Variants in SYT9 observed in about 807,000 individuals in gnomAD.
SYT9 encodes the protein synaptotagmin-9.
In SYT9, 22 loss-of-function variants were observed where a neutral mutation model predicts 48.4. That is an observed-to-expected ratio of 0.45 (90% CI 0.32 to 0.65). The LOEUF (loss-of-function observed/expected upper bound fraction) is 0.65, where lower values mean the gene tolerates loss of function less well. Among genes scored for constraint, SYT9 ranks in the 30% least tolerant of loss-of-function variants. The pLI, the probability that SYT9 is intolerant of heterozygous loss-of-function variation, is 0.03. For synonymous variants in SYT9, 265 were observed against 245.0 expected, an observed-to-expected ratio of 1.08 and a Z score of -0.76; for missense variants, 577 against 622.0, an observed-to-expected ratio of 0.93 and a Z score of 0.77.
chr11:7,366,982 C>T (rs1182340426), intron 3 of SYT9, among the ~76,000 whole-genome samples: 2 of 150,432 alleles, frequency 1.3e-5, no homozygotes, highest in Non-Finnish European at 3.0e-5. Flanking sequence ...ATACCTGATT[C>T]TCGTGGATAT....
At chr11:7,424,870 C>T (rs1655752452) in intron 6 of SYT9, among the ~76,000 whole-genome samples, 1 of 152,192 alleles carries the variant, frequency 6.6e-6, no homozygotes, top group African/African-American at 2.4e-5. Context: ...CTCATTGAGC[C>T]TCCTGCCCCT....
chr11:7,353,944 ATT>A lies in SYT9; in HGVS notation c.1044+40004_1044+40005del, dbSNP rs1849967093. The stretch of plus-strand genomic sequence containing the variant: ...AGATGAAATATTGTATATTTGAAAT[ATT>A]GTCTTTGAACTATCTTGATTGTAAT... On this transcript the variant is annotated intron_variant, in intron 3 of 6. Transcript: ENST00000318881. Among the ~76,000 whole-genome samples the A allele has an allele frequency of 2.6e-5, 4 of 152,344 alleles. No individual in the cohort carries two copies. In the South Asian group the frequency reaches 8.3e-4, roughly 32 times the overall value.
chr11:7,419,231 C>T (rs1224058791), intron 5 of SYT9, among the ~76,000 whole-genome samples: 6 of 152,198 alleles, frequency 3.9e-5, no homozygotes, highest in African/African-American at 9.7e-5. Flanking sequence ...TGCCAAGTTT[C>T]CTGCATGGAC....
chr11:7,437,013 T>A (rs1357690530), intron 6 of SYT9, among the ~76,000 whole-genome samples: 1 of 152,252 alleles, frequency 6.6e-6, no homozygotes, highest in Non-Finnish European at 1.5e-5. Flanking sequence ...TAGCATAATA[T>A]CTGGTGAAAG....
chr11:7,267,325 T>A (rs1426111362), intron 1 of SYT9, among the ~76,000 whole-genome samples: 2 of 151,984 alleles, frequency 1.3e-5, no homozygotes, highest in African/African-American at 4.8e-5. Flanking sequence ...ACGAAACATT[T>A]AAAAAATTAA....
In SYT9 at chr11:7,254,945, G is replaced by A. The variant is rs114030561; in HGVS notation, c.145+2614G>A. On this transcript the variant is annotated intron_variant, in intron 1 of 6. Transcript: ENST00000318881. The stretch of plus-strand genomic sequence containing the variant: ...GTCCAGGTAGTTATAGTGCCCTGTT[G>A]GGGGAGTACCGCACCCAGATTTCCC... 4.6e-3 allele frequency among the ~76,000 whole-genome samples: 699 copies of A among 152,214 alleles called. 1 individual carries two copies. Among genetic ancestry groups the A allele is most frequent in the African/African-American group, 0.015 (640 of 41,518 alleles).
At chr11:7,305,986 T>C (rs1365595161) in intron 2 of SYT9, among the ~76,000 whole-genome samples, 3 of 152,200 alleles carry the variant, frequency 2.0e-5, no homozygotes, top group Non-Finnish European at 4.4e-5. Context: ...TTGTTTTATC[T>C]TCTAAGAATG....
chr11:7,308,086 CCTT>C (rs1849065000), intron 2 of SYT9, among the ~76,000 whole-genome samples: 1 of 152,336 alleles, frequency 6.6e-6, no homozygotes, highest in East Asian at 1.9e-4. Context: ...CAGGATTTCC[CCTT>C]CTTCTGTGTC....
At chr11:7,334,089 G>A (rs1047003980) in intron 3 of SYT9, among the ~76,000 whole-genome samples, 1 of 152,144 alleles carries the variant, frequency 6.6e-6, no homozygotes, top group Non-Finnish European at 1.5e-5. Flanking sequence ...CTGAAGAAGG[G>A]CAGAGTCCCA....
intron 1 of SYT9, among the ~76,000 whole-genome samples, chr11:7,261,482 G>C (rs1848078459): frequency 6.6e-6 from 1 of 152,094 alleles, no homozygotes; most frequent in African/African-American, 2.4e-5. Flanking sequence ...ATACAGTAGG[G>C]AATGAAACAG....
chr11:7,353,063 TG>T (rs1849948223), intron 3 of SYT9, among the ~76,000 whole-genome samples: 1 of 152,190 alleles, frequency 6.6e-6, no homozygotes, highest in Non-Finnish European at 1.5e-5. Flanking sequence ...GATGTGCATG[TG>T]CCAGTTACAA....
intron 3 of SYT9, among the ~76,000 whole-genome samples, chr11:7,344,265 T>G (rs1849762116): frequency 6.6e-6 from 1 of 152,172 alleles, no homozygotes; most frequent in African/African-American, 2.4e-5. Flanking sequence ...GTTTTTATTA[T>G]TGAGTTGTGA....
intron 3 of SYT9, among the ~76,000 whole-genome samples, chr11:7,395,269 T>TCA (rs1846730088): frequency 6.6e-6 from 1 of 152,116 alleles, no homozygotes; most frequent in Non-Finnish European, 1.5e-5. Context: ...GCCAAACATG[T>TCA]GGTCAATTTC....
Position 7,313,479 on chromosome 11 carries a change from A to C in SYT9, c.582A>C (p.Gly194=). The C allele has an allele frequency of 6.2e-7, 1 of 1,614,184 alleles. No individual in the cohort carries two copies. Among genetic ancestry groups the C allele is most frequent in the Non-Finnish European group, 8.5e-7 (1 of 1,180,014 alleles). The change falls in exon 3 of 7, where the codon GGA becomes GGC. Residue 194 remains glycine (G), a synonymous_variant. Transcript: ENST00000318881. ...QQLQKQEQLT[G]IGRIKPELYK... is the part of the protein sequence containing the mutation. ...TTCAAAAACAGGAACAGTTGACTGGAATTGGTAGAATTAAACCAGAGTTAT... is the reference window on the plus strand; with the variant it reads ...TTCAAAAACAGGAACAGTTGACTGGCATTGGTAGAATTAAACCAGAGTTAT...
chr11:7,454,077 C>T (rs59139369), intron 6 of SYT9: 281,000 of 984,978 alleles, frequency 0.29, 41,027 homozygotes, highest in African/African-American at 0.41. Context: ...CCAGGTGAGT[C>T]GCCCCTTTTC....
At chr11:7,322,641 GT>G (rs1364821473) in intron 3 of SYT9, among the ~76,000 whole-genome samples, 1 of 152,166 alleles carries the variant, frequency 6.6e-6, no homozygotes, top group Non-Finnish European at 1.5e-5. Flanking sequence ...TTTTATTCTA[GT>G]GAGGGTGCCA....
chr11:7,266,793 A>G (rs985037336), intron 1 of SYT9, among the ~76,000 whole-genome samples: 2 of 151,994 alleles, frequency 1.3e-5, no homozygotes, highest in Non-Finnish European at 2.9e-5. Flanking sequence ...GCTACAGACA[A>G]TCATCAGATT....
At position 7,257,398 on chromosome 11, in the gene SYT9, A is replaced by G. The variant is rs535708604; in HGVS notation, c.145+5067A>G. On this transcript the variant is annotated intron_variant, in intron 1 of 6. Transcript: ENST00000318881. ...TGAGAGGGGAAAAAACAAACAAATC[A>G]AGAAAAATCTTGTCTAAATAGTGTG... 2.0e-5 allele frequency among the ~76,000 whole-genome samples: 3 copies of G among 152,302 alleles called. No homozygotes were observed. In the East Asian group the frequency reaches 5.8e-4, roughly 29 times the overall value.
chr11:7,367,326 C>T (rs2134024665), intron 3 of SYT9, among the ~76,000 whole-genome samples: 1 of 151,610 alleles, frequency 6.6e-6, no homozygotes, highest in African/African-American at 2.4e-5. Flanking sequence ...CGTGATCCGC[C>T]CTCCTCGGCC....
Sources: allele counts gnomAD v4.1 joint callset (sites outside exome capture counted in the v4.1 genomes callset), GRCh38; gene constraint gnomAD v4.1.1; transcripts MANE v1.5; gene names NCBI Gene and HGNC (gene_info 2026-07-23, HGNC 2026-07-21).